Variants in NUDCD1 observed in about 807,000 individuals in gnomAD.
The protein encoded by NUDCD1 is NudC domain containing 1, also known as nudC domain-containing protein 1.
Under a neutral mutation model 67.8 loss-of-function variants are expected in NUDCD1, and 60 were observed. The observed-to-expected ratio is 0.88, with a 90% CI of 0.72 to 1.10. NUDCD1 has a LOEUF of 1.10. NUDCD1 is among the 50% of genes least tolerant of loss of function. The pLI, the probability that NUDCD1 is intolerant of heterozygous loss-of-function variation, is 0.00. For synonymous variants in NUDCD1, 244 were observed against 230.8 expected, an observed-to-expected ratio of 1.06 and a Z score of -0.52; for missense variants, 643 against 695.0, an observed-to-expected ratio of 0.93 and a Z score of 0.84.
chr8:109,269,382 C>T (rs1563665648), intron 8 of NUDCD1, among the ~76,000 whole-genome samples: 1 of 152,148 alleles, frequency 6.6e-6, no homozygotes, highest in Non-Finnish European at 1.5e-5. Flanking sequence ...TAGAAATGCT[C>T]ATTTTACTTC....
intron 6 of NUDCD1, among the ~76,000 whole-genome samples, chr8:109,276,961 C>T (rs1020690967): frequency 1.3e-5 from 2 of 152,218 alleles, no homozygotes; most frequent in Middle Eastern, 3.4e-3. Flanking sequence ...CCGTGCCCAG[C>T]CCCCAGACTG....
intron 1 of NUDCD1, among the ~76,000 whole-genome samples, chr8:109,325,190 G>A (rs1330668370): frequency 6.6e-6 from 1 of 152,084 alleles, no homozygotes; most frequent in African/African-American, 2.4e-5. Context: ...GTTATCAGAG[G>A]CTGGGAAAGA....
intron 2 of NUDCD1, among the ~76,000 whole-genome samples, chr8:109,299,310 G>A (rs541008018): frequency 6.6e-6 from 1 of 152,314 alleles, no homozygotes; most frequent in East Asian, 1.9e-4. Context: ...GGCAAAGAAG[G>A]AAAGCCATAT....
At chr8:109,321,343 T>A (rs1484595575) in intron 2 of NUDCD1, among the ~76,000 whole-genome samples, 2 of 152,200 alleles carry the variant, frequency 1.3e-5, no homozygotes, top group East Asian at 3.8e-4. Context: ...AGGAATTATA[T>A]TGTTGTAAAG....
chr8:109,250,277 T>C (rs1044605765), intron 8 of NUDCD1, among the ~76,000 whole-genome samples: 22 of 152,318 alleles, frequency 1.4e-4, no homozygotes, highest in African/African-American at 5.3e-4. Flanking sequence ...CTAAATAAAA[T>C]AAAGATTTTG....
At chr8:109,270,090 A>AGGGGGGGGGGGGGGGGGGG (rs1563665962) in intron 8 of NUDCD1, among the ~76,000 whole-genome samples, 1 of 7,612 alleles carries the variant, frequency 1.3e-4, no homozygotes, top group African/African-American at 5.6e-4. Context: ...GGGTGCCTTA[A>AGGGGGGGGGGGGGGGGGGG]GGTGGGGTGT....
intron 2 of NUDCD1, among the ~76,000 whole-genome samples, chr8:109,322,104 T>C (rs1003447260): frequency 1.3e-5 from 2 of 151,788 alleles, no homozygotes; most frequent in African/African-American, 4.8e-5. Context: ...ATGGTGAGAG[T>C]GGAGGTGAGT....
chr8:109,320,818 T>A (rs1161357236), intron 2 of NUDCD1, among the ~76,000 whole-genome samples: 1 of 152,224 alleles, frequency 6.6e-6, no homozygotes, highest in Non-Finnish European at 1.5e-5. Context: ...TCTTCTGCCA[T>A]GGCTTCAGCT....
chr8:109,253,577 T>C (rs1430106061), intron 8 of NUDCD1, among the ~76,000 whole-genome samples: 1 of 152,168 alleles, frequency 6.6e-6, no homozygotes, highest in Non-Finnish European at 1.5e-5. Context: ...CCATATATGC[T>C]CACATCATGA....
chr8:109,313,913 T>G (rs1372498102), intron 2 of NUDCD1: 1 of 611,512 alleles, frequency 1.6e-6, no homozygotes, highest in Non-Finnish European at 2.7e-6. Flanking sequence ...AAAATTAAAT[T>G]AAAACACAAA....
chr8:109,283,276 A>T (rs1187683248), intron 5 of NUDCD1, among the ~76,000 whole-genome samples: 2 of 152,212 alleles, frequency 1.3e-5, no homozygotes, highest in Non-Finnish European at 2.9e-5. Flanking sequence ...AAATGAACAA[A>T]GTCTCTGAGA....
rs747645987 is a variant in NUDCD1 at position 109,293,338 on chromosome 8, T to G, written c.640+6A>C. ...CAGTAGAGACAGATTCAGACTTTTG[T>G]TTTACCTTGATTTTTCTTACTGATA... On this transcript the variant is annotated splice_donor_region_variant and intron_variant, in intron 4 of 9. Coordinates refer to ENST00000239690, the MANE Select transcript of NUDCD1 (RefSeq NM_032869.4). The G allele has an allele frequency of 2.0e-6, 3 of 1,513,396 alleles. No individual in the cohort carries two copies. The highest frequency in any genetic ancestry group is 2.7e-6 in the Non-Finnish European group (3 of 1,122,388). 93.7% of individuals were successfully genotyped at this position (1,513,396 alleles called of 1,614,324 possible).
At chr8:109,296,285 C>A (rs1586287229) in intron 3 of NUDCD1, 99 bp downstream of exon 3, 1 of 897,370 alleles carries the variant, frequency 1.1e-6, no homozygotes. Context: ...AACAACAGAT[C>A]ACATGTAAAC....
intron 7 of NUDCD1, 85 bp from the exon 8 acceptor site, chr8:109,271,215 A>G: frequency 1.1e-6 from 1 of 881,748 alleles, no homozygotes; most frequent in Non-Finnish European, 1.7e-6. Context: ...TTTTAAGGTT[A>G]CAGCAGTAAT....
chr8:109,312,319 A>G (rs1377720638), intron 2 of NUDCD1, among the ~76,000 whole-genome samples: 1 of 142,978 alleles, frequency 7.0e-6, no homozygotes, highest in Non-Finnish European at 1.5e-5. Flanking sequence ...AAAAAAAAAA[A>G]AGCCCCAAAT....
intron 5 of NUDCD1, among the ~76,000 whole-genome samples, chr8:109,288,231 T>C (rs1189766544): frequency 6.6e-6 from 1 of 152,184 alleles, no homozygotes; most frequent in African/African-American, 2.4e-5. Context: ...ATACCTGTGG[T>C]AGTGATTTAA....
At chr8:109,331,611 G>C (rs1004561573) in intron 1 of NUDCD1, among the ~76,000 whole-genome samples, 12 of 151,808 alleles carry the variant, frequency 7.9e-5, no homozygotes, top group African/African-American at 2.7e-4. Flanking sequence ...CTGATGAAAT[G>C]AGTACGGAAC....
chr8:109,261,692 T>C (rs1341801154), intron 8 of NUDCD1, among the ~76,000 whole-genome samples: 3 of 152,130 alleles, frequency 2.0e-5, no homozygotes, highest in Admixed American at 6.6e-5. Context: ...AAAACATTGA[T>C]TCATTGTTTA....
intron 2 of NUDCD1, among the ~76,000 whole-genome samples, chr8:109,311,841 T>C (rs1815260764): frequency 6.6e-6 from 1 of 151,980 alleles, no homozygotes; most frequent in Non-Finnish European, 1.5e-5. Flanking sequence ...TAGTGTATAC[T>C]GCTCGGGTGA....
Sources: allele counts gnomAD v4.1 joint callset (sites outside exome capture counted in the v4.1 genomes callset), GRCh38; gene constraint gnomAD v4.1.1; transcripts MANE v1.5; gene names NCBI Gene and HGNC (gene_info 2026-07-23, HGNC 2026-07-21).